Variants in TET1 observed in about 807,000 individuals in gnomAD.
TET1 encodes methylcytosine dioxygenase TET1.
TET1 carries 13 observed loss-of-function variants against 148.7 expected under a neutral mutation model. The ratio of observed to expected loss-of-function variants is 0.09; its 90% CI spans 0.06 to 0.14. The LOEUF (loss-of-function observed/expected upper bound fraction) is 0.14. Among genes scored for constraint, TET1 ranks in the 10% least tolerant of loss-of-function variants. The pLI, the probability that TET1 is intolerant of heterozygous loss-of-function variation, is 1.00. For synonymous variants in TET1, 907 were observed against 937.2 expected (o/e 0.97, Z 0.59); for missense variants, 2,182 against 2,553.8 (o/e 0.85, Z 3.14).
At chr10:68,601,102 G>C in intron 3 of TET1, 68 bp downstream of exon 3, 2 of 1,384,716 alleles carry the variant, frequency 1.4e-6, no homozygotes, top group South Asian at 2.6e-5. Flanking sequence ...TCTGCACTTG[G>C]GTATATTTGG....
At position 68,572,662 on chromosome 10, in the gene TET1, C is replaced by T. The variant is rs372546848; in HGVS notation, c.324C>T (p.Ser108=). The T allele has an allele frequency of 6.2e-7, 1 of 1,614,092 alleles. No individual in the cohort carries two copies. The highest frequency in any genetic ancestry group is 1.1e-5 in the South Asian group (1 of 91,070). Residue 108 remains serine (S), a synonymous_variant, in exon 2 of 12, where the codon AGC becomes AGT. Transcript: ENST00000373644. ...ATGGGTTTACAATGGCGCTACGAAG[C>T]ACCTCTCTTAGCAGGCGACTCTCCC... ...TCNGFTMALR[S]TSLSRRLSQP...
chr10:68,651,046 C>T (rs2054924789), intron 4 of TET1, among the ~76,000 whole-genome samples: 1 of 151,842 alleles, frequency 6.6e-6, no homozygotes, highest in Non-Finnish European at 1.5e-5. Flanking sequence ...TTATTGTATA[C>T]CACTATATAA....
At chr10:68,587,526 T>G (rs1182531347) in intron 2 of TET1, among the ~76,000 whole-genome samples, 23 of 111,824 alleles carry the variant, frequency 2.1e-4, no homozygotes, top group Non-Finnish European at 3.4e-4. Context: ...TACTGCATTA[T>G]GAGTTGGTAA....
intron 3 of TET1, among the ~76,000 whole-genome samples, chr10:68,614,919 C>T (rs1346009531): frequency 6.6e-6 from 1 of 151,814 alleles, no homozygotes; most frequent in Non-Finnish European, 1.5e-5. Context: ...TTGTGTGTTT[C>T]ATAAAAAATT....
At chr10:68,682,744 G>C in intron 9 of TET1, 92 bp from the exon 10 acceptor site, 1 of 1,403,802 alleles carries the variant, frequency 7.1e-7, no homozygotes, top group South Asian at 1.4e-5. Context: ...TAATTAATTA[G>C]AAACTTCATG....
At chr10:68,590,978 C>A (rs1334758483) in intron 2 of TET1, among the ~76,000 whole-genome samples, 2 of 152,138 alleles carry the variant, frequency 1.3e-5, no homozygotes, top group African/African-American at 4.8e-5. Context: ...GCCTCAGCCT[C>A]CCAAGTAGCT....
At chr10:68,584,823 A>C (rs542879196) in intron 2 of TET1, among the ~76,000 whole-genome samples, 241 of 146,310 alleles carry the variant, frequency 1.6e-3, no homozygotes, top group African/African-American at 5.1e-3. Flanking sequence ...TTCTACACAT[A>C]TCTCTTTTTT....
At chr10:68,674,608 G>A (rs2055324475) in intron 8 of TET1, 1 of 504,812 alleles carries the variant, frequency 2.0e-6, no homozygotes. Flanking sequence ...ATTGCCTGAT[G>A]AGCTTCCATG....
Position 68,645,641 on chromosome 10 carries a change from A to G in TET1, c.2912A>G (p.Asn971Ser), listed in dbSNP as rs376744298. ...AGTTCATGCAACACGGTGGTTTTCA[A>G]TGGGCAAACTACTACCCTTTCCAAC... The part of the protein sequence containing the change: ...KQSSCNTVVF[N>S]GQTTTLSNSH... The change falls in exon 4 of 12, where the codon AAT becomes AGT. Residue 971 changes from asparagine (N) to serine (S), a missense_variant. Physicochemically the swap from Asn to Ser is conservative, Grantham distance 46. This residue lies in a region of TET1 where 582 missense variants were observed against 599.5 expected (regional missense o/e 0.97). Transcript: ENST00000373644. 30 of 1,614,106 alleles carry G rather than the reference A, an allele frequency of 1.9e-5. No individual in the cohort carries two copies. The highest frequency in any genetic ancestry group is 8.3e-5 in the Admixed American group (5 of 59,998).
In TET1 at chr10:68,634,615, T is replaced by G. The variant is rs138881147; in HGVS notation, c.1969-10083T>G. ...TGAGGCCTGGTTCTTGATACTGATC[T>G]GAATAAGAAATGTTCAGTGAGTGGA... is the stretch of plus-strand genomic sequence containing the variant. On this transcript the variant is annotated intron_variant, in intron 3 of 11. Transcript: ENST00000373644. Among the ~76,000 whole-genome samples, 615 of 152,296 alleles carry G rather than the reference T, an allele frequency of 4.0e-3. 4 individuals carry two copies. The highest frequency in any genetic ancestry group is 0.014 in the African/African-American group (581 of 41,560).
At chr10:68,685,708 T>C (rs1201816181) in intron 10 of TET1, among the ~76,000 whole-genome samples, 1 of 152,104 alleles carries the variant, frequency 6.6e-6, no homozygotes, top group Non-Finnish European at 1.5e-5. Context: ...AGGGCTAAAA[T>C]AGGTTGCATT....
At chr10:68,673,935 C>CTTTT (rs11381293) in intron 8 of TET1, among the ~76,000 whole-genome samples, 3 of 120,280 alleles carry the variant, frequency 2.5e-5, no homozygotes, top group African/African-American at 6.2e-5. Context: ...CTTTCTTTTT[C>CTTTT]TTTTTTTTTT....
chr10:68,662,554 A>G (rs1417372949), intron 6 of TET1, among the ~76,000 whole-genome samples: 1 of 152,022 alleles, frequency 6.6e-6, no homozygotes, highest in Admixed American at 6.6e-5. Flanking sequence ...ACTTTTGTAA[A>G]TATGTATAAT....
intron 3 of TET1, among the ~76,000 whole-genome samples, chr10:68,615,145 C>T (rs2054270537): frequency 6.6e-6 from 1 of 151,944 alleles, no homozygotes; most frequent in African/African-American, 2.4e-5. Context: ...GTTGGCCAGG[C>T]TGGTCTCGAA....
chr10:68,627,629 C>A (rs200591659), intron 3 of TET1, among the ~76,000 whole-genome samples: 1 of 151,080 alleles, frequency 6.6e-6, no homozygotes, highest in African/African-American at 2.4e-5. Context: ...AATCACCATG[C>A]AGTTAAGAAA....
At chr10:68,663,391 C>T (rs1170401961) in intron 6 of TET1, among the ~76,000 whole-genome samples, 1 of 152,130 alleles carries the variant, frequency 6.6e-6, no homozygotes, top group African/African-American at 2.4e-5. Flanking sequence ...ACTGAGATAT[C>T]AGACTTTAAA....
chr10:68,566,826 T>C (rs78304088), intron 1 of TET1, among the ~76,000 whole-genome samples: 3 of 151,400 alleles, frequency 2.0e-5, no homozygotes, highest in Admixed American at 6.6e-5. Context: ...TCTCTCTCTT[T>C]TTTTTTTTTG....
rs147600639 is a variant in TET1 at position 68,683,691 on chromosome 10, T to C, written c.5052+718T>C. 4.4e-3 allele frequency among the ~76,000 whole-genome samples: 666 copies of C among 152,264 alleles called. 4 individuals are homozygous for C. Among genetic ancestry groups the C allele is most frequent in the African/African-American group, 0.015 (616 of 41,554 alleles). ...CCTCCCAAAGTGCTGGGATTACAGG[T>C]GTGAGCCAACGCGCTCGGCCAATTT... On this transcript the variant is annotated intron_variant, in intron 10 of 11. Coordinates refer to ENST00000373644, the MANE Select transcript of TET1 (RefSeq NM_030625.3).
chr10:68,640,819 G>A (rs2054741930), intron 3 of TET1, among the ~76,000 whole-genome samples: 1 of 151,308 alleles, frequency 6.6e-6, no homozygotes, highest in South Asian at 2.1e-4. Flanking sequence ...CCAAAGTGCT[G>A]GGATTACAGG....
Sources: allele counts gnomAD v4.1 joint callset (sites outside exome capture counted in the v4.1 genomes callset), GRCh38; gene constraint gnomAD v4.1.1; regional missense constraint gnomAD v4.1.1; transcripts MANE v1.5; gene names NCBI Gene and HGNC (gene_info 2026-07-23, HGNC 2026-07-21).